The following FRMD7 variants were observed in gnomAD, a reference collection of about 807,000 sequenced individuals.
FRMD7 encodes FERM domain containing 7.
In FRMD7, 14 loss-of-function variants were observed where a neutral mutation model predicts 44.1. The ratio of observed to expected loss-of-function variants is 0.32; its 90% confidence interval spans 0.21 to 0.50. FRMD7 has a LOEUF of 0.50. FRMD7 is among the 20% of genes least tolerant of loss of function. The pLI, the probability that FRMD7 is intolerant of heterozygous loss-of-function variation, is 0.99. For missense variants in FRMD7, 501 were observed against 522.3 expected, an observed-to-expected ratio of 0.96 and a Z score of 0.40; for synonymous variants, 212 against 187.4, an observed-to-expected ratio of 1.13 and a Z score of -1.07.
At chrX:132,088,168 T>A (rs1365628115) in intron 5 of FRMD7, among the ~76,000 whole-genome samples, 1 of 112,193 alleles carries the variant, frequency 8.9e-6, no homozygotes, top group East Asian at 2.8e-4. Context: ...GTCAGTGCAG[T>A]CAGGCAAGAA....
intron 8 of FRMD7, 89 bp from the exon 9 acceptor site, chrX:132,082,615 T>C: frequency 2.3e-6 from 2 of 854,710 alleles, no homozygotes; most frequent in Middle Eastern, 3.0e-4. Flanking sequence ...ATTGCTCCGT[T>C]GGCCCATGCA....
intron 5 of FRMD7, 112 bp from the exon 6 acceptor site, chrX:132,086,146 G>C: frequency 1.8e-6 from 1 of 547,173 alleles, no homozygotes; most frequent in Non-Finnish European, 3.3e-6. Context: ...AGCCAATGCA[G>C]TCCAAAGCCT....
At chrX:132,115,075 T>C (rs1433239493) in intron 1 of FRMD7, among the ~76,000 whole-genome samples, 1 of 112,581 alleles carries the variant, frequency 8.9e-6, no homozygotes, top group Non-Finnish European at 1.9e-5. Context: ...CTCCTGGGAC[T>C]GCTTACAGCT....
chrX:132,081,320 A>T (rs988898254), intron 9 of FRMD7, among the ~76,000 whole-genome samples: 1 of 110,875 alleles, frequency 9.0e-6, no homozygotes, highest in African/African-American at 3.3e-5. Context: ...TGACAGAGCA[A>T]GACTCCATCT....
chrX:132,118,029 A>T (rs1253920321), intron 1 of FRMD7, among the ~76,000 whole-genome samples: 1 of 112,015 alleles, frequency 8.9e-6, no homozygotes, highest in Non-Finnish European at 1.9e-5. Flanking sequence ...TTAATTAAAT[A>T]CGGAAATATG....
intron 5 of FRMD7, among the ~76,000 whole-genome samples, chrX:132,092,023 T>C (rs1928191256): frequency 8.9e-6 from 1 of 112,310 alleles, no homozygotes. Context: ...TTGGTCATTG[T>C]CTGATTTTCC....
rs759191035 is a variant in FRMD7, at chrX:132,117,505, A to G, written c.57+10283T>C. Among the ~76,000 whole-genome samples the G allele has an allele frequency of 6.2e-5, 7 of 112,393 alleles. No individual in the cohort carries two copies. The Admixed American group carries it at 6.6e-4, about 11-fold the overall frequency. ...ACTTATCATTGGAACTGTGTTTTCAATGAAGATTCTTTTATTGTTTTCTCT... is the reference window on the plus strand; with the variant it reads ...ACTTATCATTGGAACTGTGTTTTCAGTGAAGATTCTTTTATTGTTTTCTCT... On this transcript the variant is annotated intron_variant, in intron 1 of 11. Coordinates refer to ENST00000298542, the MANE Select transcript of FRMD7 (RefSeq NM_194277.3).
At chrX:132,100,895 CTG>C (rs751300655) in intron 1 of FRMD7, among the ~76,000 whole-genome samples, 179 bp from the exon 2 acceptor site, 1 of 111,845 alleles carries the variant, frequency 8.9e-6, no homozygotes, top group Non-Finnish European at 1.9e-5. Flanking sequence ...TTATCTGTCT[CTG>C]TGTTGTTTTA....
Position 132,078,739 on chromosome X carries a change from C to T in FRMD7, c.1278G>A (p.Glu426=), listed in dbSNP as rs1174430577. Reference sequence around the variant, plus strand: ...CTCTGGGATCAGGGTTAGGATTGGGCTCAGTGTTAAAGACAGGGTCCATAT... The same window carrying T: ...CTCTGGGATCAGGGTTAGGATTGGGTTCAGTGTTAAAGACAGGGTCCATAT... ...FIYMDPVFNT[E]PNPNPDPRDI... is the part of the protein sequence containing the mutation. Residue 426 remains glutamate (E), a synonymous_variant, in exon 12 of 12, where the codon GAG becomes GAA. Transcript: ENST00000298542. 1.7e-6 allele frequency: 2 copies of T among 1,208,703 alleles called. No individual in the cohort carries two copies. Among genetic ancestry groups the T allele is most frequent in the African/African-American group, 3.5e-5 (2 of 57,049 alleles).
At chrX:132,091,694 G>C (rs1179715807) in intron 5 of FRMD7, among the ~76,000 whole-genome samples, 2 of 107,871 alleles carry the variant, frequency 1.9e-5, no homozygotes, top group Admixed American at 9.9e-5. Flanking sequence ...AAAAAGCCGG[G>C]TGTGGTGGCA....
chrX:132,098,459 G>A (rs549438889), intron 3 of FRMD7, among the ~76,000 whole-genome samples: 1 of 112,269 alleles, frequency 8.9e-6, no homozygotes, highest in East Asian at 2.8e-4. Context: ...AAGAAGAAGA[G>A]TGATGTGATC....
intron 5 of FRMD7, among the ~76,000 whole-genome samples, chrX:132,088,077 A>C (rs1480402585): frequency 8.9e-6 from 1 of 112,672 alleles, no homozygotes; most frequent in East Asian, 2.8e-4. Context: ...TGAGAAACTA[A>C]ATGCTTTCAC....
chrX:132,090,349 C>T (rs962402774), intron 5 of FRMD7, among the ~76,000 whole-genome samples: 12 of 111,638 alleles, frequency 1.1e-4, no homozygotes, highest in Non-Finnish European at 2.1e-4. Flanking sequence ...AGTGGTAAAT[C>T]CATAAATGGA....
intron 1 of FRMD7, among the ~76,000 whole-genome samples, chrX:132,108,161 T>A (rs1028273368): frequency 1.8e-5 from 2 of 111,799 alleles, no homozygotes; most frequent in African/African-American, 3.3e-5. Context: ...AAAGAAAAAG[T>A]CACATATTAT....
At chrX:132,093,125 A>C (rs5933065) in intron 5 of FRMD7, among the ~76,000 whole-genome samples, 35,486 of 110,200 alleles carry the variant, frequency 0.32, 4,601 homozygotes, top group African/African-American at 0.44. Context: ...GCTCTCATTG[A>C]TTGTCCCTGC....
In FRMD7 at chrX:132,109,390, T is replaced by C. The variant is rs752405486; in HGVS notation, c.58-8674A>G. Among the ~76,000 whole-genome samples, 6 of 112,263 alleles carry C rather than the reference T, an allele frequency of 5.3e-5. No individual in the cohort carries two copies. The East Asian group carries it at 1.7e-3, about 32-fold the overall frequency. On this transcript the variant is annotated intron_variant, in intron 1 of 11. Transcript: ENST00000298542. ...TATTTTTCGAGCTCTTTTGTTTTCC[T>C]GTTTGTAATTTTTATCTGCCCAAAC...
At chrX:132,123,557 A>C (rs1297737030) in intron 1 of FRMD7, among the ~76,000 whole-genome samples, 2 of 112,380 alleles carry the variant, frequency 1.8e-5, no homozygotes, top group African/African-American at 6.5e-5. Flanking sequence ...TCGCAAATTT[A>C]AAAACCAACC....
At chrX:132,109,117 T>A (rs944474833) in intron 1 of FRMD7, among the ~76,000 whole-genome samples, 1 of 111,918 alleles carries the variant, frequency 8.9e-6, no homozygotes, top group Non-Finnish European at 1.9e-5. Context: ...CACACATAAC[T>A]ATTGGTTTTC....
rs1362664997 is a variant in FRMD7 at position 132,116,284 on chromosome X, G to C, written c.57+11504C>G. Among the ~76,000 whole-genome samples the C allele has an allele frequency of 2.7e-5, 3 of 111,787 alleles. No homozygotes were observed. The Admixed American group carries it at 2.8e-4, about 11-fold the overall frequency. Reference sequence around the variant, plus strand: ...ATTGCTTGCCTTCTCAAAGTTAAAGGAACTTACTGCATCCTTTTGGCCTCA... The same window carrying C: ...ATTGCTTGCCTTCTCAAAGTTAAAGCAACTTACTGCATCCTTTTGGCCTCA... On this transcript the variant is annotated intron_variant, in intron 1 of 11. Coordinates refer to ENST00000298542, the MANE Select transcript of FRMD7 (RefSeq NM_194277.3).
Sources: gnomAD v4.1 joint callset for allele counts (sites outside exome capture counted in the v4.1 genomes callset) on GRCh38, gnomAD v4.1.1 for gene constraint, MANE v1.5 for transcripts, NCBI Gene and HGNC (gene_info 2026-07-23, HGNC 2026-07-21) for gene names.